The following FOXO3 variants were observed in gnomAD, a reference collection of about 807,000 sequenced individuals.
FOXO3 encodes the protein forkhead box protein O3.
In FOXO3, 4 loss-of-function variants were observed where a neutral mutation model predicts 41.9. The ratio of observed to expected loss-of-function variants is 0.10; its 90% CI spans 0.05 to 0.22. FOXO3 has a LOEUF of 0.22. Ranked by LOEUF, FOXO3 falls within the 10% of genes least tolerant of loss-of-function variation. The pLI is 1.00. For missense variants in FOXO3, 534 were observed against 906.8 expected (o/e 0.59, Z 5.28); for synonymous variants, 318 against 389.3 (o/e 0.82, Z 2.16).
intron 1 of FOXO3, among the ~76,000 whole-genome samples, chr6:108,645,483 C>T (rs1778370523): frequency 1.3e-5 from 2 of 148,542 alleles, no homozygotes; most frequent in Admixed American, 1.3e-4. Flanking sequence ...TCTTGAAATC[C>T]AGGTTGACCC....
upstream of FOXO3, among the ~76,000 whole-genome samples, chr6:108,560,506 G>T (rs561032104): frequency 5.5e-4 from 84 of 152,314 alleles, 1 homozygote; most frequent in Middle Eastern, 3.4e-3. Context: ...TCTGGCCCGC[G>T]GGCGAAGAGG....
At chr6:108,667,422 CAAGT>C (rs1562266039) in intron 2 of FOXO3, among the ~76,000 whole-genome samples, 2 of 152,144 alleles carry the variant, frequency 1.3e-5, no homozygotes, top group African/African-American at 2.4e-5. Context: ...TTTAAAGACA[CAAGT>C]AAGTTTTAAT....
At chr6:108,609,599 A>T (rs1777301184) in intron 1 of FOXO3, among the ~76,000 whole-genome samples, 1 of 152,220 alleles carries the variant, frequency 6.6e-6, no homozygotes, top group South Asian at 2.1e-4. Context: ...AAGACTGAGC[A>T]TCAGATAGGC....
chr6:108,667,567 C>T (rs199899687), intron 2 of FOXO3, among the ~76,000 whole-genome samples: 2 of 152,118 alleles, frequency 1.3e-5, no homozygotes, highest in East Asian at 1.9e-4. Context: ...AGATCTTTCT[C>T]GTATATGTGT....
At position 108,656,444 on chromosome 6, in the gene FOXO3, G is replaced by A. The variant is rs535468190; in HGVS notation, c.622-7011G>A. ...TTACCAGTTACTTCTGACTGGCACGGCACCTCTGAAATACTTTTTTAAAGT... is the reference window on the plus strand; with the variant it reads ...TTACCAGTTACTTCTGACTGGCACGACACCTCTGAAATACTTTTTTAAAGT... On this transcript the variant is annotated intron_variant, in intron 1 of 2. Coordinates refer to ENST00000406360, the MANE Select transcript of FOXO3 (RefSeq NM_001455.4). 43 of 985,198 alleles carry A rather than the reference G, an allele frequency of 4.4e-5. No homozygotes were observed. In the African/African-American group the frequency reaches 7.2e-4, roughly 16 times the overall value. The allele number at this position is 985,198 out of a possible 1,614,324, so 61.0% of individuals were successfully genotyped here. A position where few individuals can be genotyped will look rare whatever the true frequency, so the allele number is the denominator to read the frequency against.
chr6:108,620,304 C>T, intron 1 of FOXO3, among the ~76,000 whole-genome samples: 1 of 152,102 alleles, frequency 6.6e-6, no homozygotes, highest in African/African-American at 2.4e-5. Flanking sequence ...GATCATTTTC[C>T]CTTAACACTT....
At chr6:108,634,612 G>A (rs933076532) in intron 1 of FOXO3, among the ~76,000 whole-genome samples, 23 of 152,076 alleles carry the variant, frequency 1.5e-4, no homozygotes, top group Non-Finnish European at 7.4e-5. Context: ...ACTCCAACAG[G>A]CATGAGACCT....
upstream of FOXO3, among the ~76,000 whole-genome samples, chr6:108,560,457 G>A (rs1466322343): frequency 6.6e-6 from 1 of 152,192 alleles, no homozygotes; most frequent in Non-Finnish European, 1.5e-5. Flanking sequence ...TTTTTTGGAA[G>A]TGACAAGGGC....
At chr6:108,612,227 T>C (rs1172261075) in intron 1 of FOXO3, among the ~76,000 whole-genome samples, 4 of 152,210 alleles carry the variant, frequency 2.6e-5, no homozygotes, top group Non-Finnish European at 5.9e-5. Flanking sequence ...GTAAATGATA[T>C]TTTAAAAATT....
chr6:108,565,944 A>G (rs900718297), intron 1 of FOXO3, among the ~76,000 whole-genome samples: 3 of 152,124 alleles, frequency 2.0e-5, no homozygotes, highest in African/African-American at 7.2e-5. Context: ...CACCTTTTGG[A>G]GTAACTCACC....
intron 1 of FOXO3, among the ~76,000 whole-genome samples, chr6:108,622,251 T>A (rs2128373126): frequency 8.2e-6 from 1 of 122,290 alleles, no homozygotes; most frequent in Admixed American, 9.7e-5. Context: ...AGAGCAAGAC[T>A]GTCTCAAAAA....
intron 1 of FOXO3, among the ~76,000 whole-genome samples, chr6:108,654,272 G>A (rs914624012): frequency 1.4e-4 from 21 of 152,118 alleles, no homozygotes; most frequent in African/African-American, 5.1e-4. Flanking sequence ...AAACAGCTGT[G>A]GAAGAGCTTG....
chr6:108,567,538 C>CT (rs1170770098), intron 1 of FOXO3, among the ~76,000 whole-genome samples: 1 of 152,178 alleles, frequency 6.6e-6, no homozygotes, highest in Admixed American at 6.5e-5. Flanking sequence ...ATCTAACTAC[C>CT]TTATTTTGCA....
chr6:108,567,227 G>T (rs1377988107), intron 1 of FOXO3, among the ~76,000 whole-genome samples: 2 of 152,182 alleles, frequency 1.3e-5, no homozygotes, highest in Non-Finnish European at 2.9e-5. Flanking sequence ...GTGGGGCATG[G>T]CTTGGAGCTA....
At chr6:108,579,188 T>A (rs1345905458) in intron 1 of FOXO3, among the ~76,000 whole-genome samples, 1 of 152,152 alleles carries the variant, frequency 6.6e-6, no homozygotes, top group African/African-American at 2.4e-5. Flanking sequence ...CATTCTGCTG[T>A]TAGTGGCATT....
intron 2 of FOXO3, among the ~76,000 whole-genome samples, chr6:108,671,597 A>C (rs1490355856): frequency 6.6e-6 from 1 of 152,218 alleles, no homozygotes; most frequent in East Asian, 1.9e-4. Context: ...GATATGGGCT[A>C]ATGTCTTTTG....
intron 2 of FOXO3, among the ~76,000 whole-genome samples, chr6:108,667,385 T>C (rs1250410863): frequency 6.6e-6 from 1 of 152,214 alleles, no homozygotes; most frequent in East Asian, 1.9e-4. Context: ...AAAGAATAAA[T>C]GGTTTGTCTT....
intron 1 of FOXO3, among the ~76,000 whole-genome samples, chr6:108,610,124 CT>C (rs1363510709): frequency 6.6e-6 from 1 of 151,994 alleles, no homozygotes; most frequent in Non-Finnish European, 1.5e-5. Context: ...TTTACAATGG[CT>C]ATTTAAAATC....
intron 1 of FOXO3, among the ~76,000 whole-genome samples, chr6:108,588,670 T>A (rs1460301719): frequency 6.6e-6 from 1 of 152,208 alleles, no homozygotes; most frequent in South Asian, 2.1e-4. Context: ...GTTTTTGTGG[T>A]GAGTCAAGCT....
Sources: gnomAD v4.1 joint callset for allele counts (sites outside exome capture counted in the v4.1 genomes callset) on GRCh38, gnomAD v4.1.1 for gene constraint, MANE v1.5 for transcripts, NCBI Gene and HGNC (gene_info 2026-07-23, HGNC 2026-07-21) for gene names.